Variants in SLC16A7 observed in about 807,000 individuals in gnomAD.
SLC16A7 encodes solute carrier family 16 member 7, also known as monocarboxylate transporter 2.
SLC16A7 carries 33 observed loss-of-function variants against 34.9 expected under a neutral mutation model. That is an observed-to-expected ratio of 0.94 (90% CI 0.72 to 1.26). The LOEUF (loss-of-function observed/expected upper bound fraction) is 1.26, where lower values mean the gene tolerates loss of function less well. SLC16A7 is among the 50% of genes most tolerant of loss of function. SLC16A7 has a pLI of 0.00. For synonymous variants in SLC16A7, 201 were observed against 206.6 expected, an observed-to-expected ratio of 0.97 and a Z score of 0.23; for missense variants, 573 against 578.1, an observed-to-expected ratio of 0.99 and a Z score of 0.09.
intron 3 of SLC16A7, chr12:59,768,222 A>G: frequency 6.6e-6 from 3 of 455,552 alleles, no homozygotes; most frequent in South Asian, 4.7e-5. Context: ...ACGATCATTC[A>G]CTGTTATGGG....
chr12:59,654,780 G>A (rs930056489), intron 1 of SLC16A7, among the ~76,000 whole-genome samples: 2 of 151,610 alleles, frequency 1.3e-5, no homozygotes, highest in African/African-American at 4.8e-5. Context: ...ACAAGCTATT[G>A]GTTTGAAATC....
rs1470171283 is a variant in SLC16A7 at position 59,596,075 on chromosome 12, C to G, written c.-291C>G. 1 of 151,872 alleles carries G rather than the reference C, an allele frequency of 6.6e-6. No homozygotes were observed. Among genetic ancestry groups the G allele is most frequent in the East Asian group, 2.0e-4 (1 of 5,116 alleles). 9.4% of individuals were successfully genotyped at this position (151,872 alleles called of 1,614,324 possible). A position where few individuals can be genotyped will look rare whatever the true frequency, so the allele number is the denominator to read the frequency against. On this transcript the variant is annotated 5_prime_UTR_variant, in exon 1 of 6. Transcript: ENST00000547379. The surrounding 1 kb of genome is among the most constrained non-coding windows in gnomAD (Gnocchi z 5.0). ...CGTTCAGCAGCCGCGCCTCCCCTTC[C>G]CGCCACCGCCTCCTTCTCCGCTGGC...
At chr12:59,672,059 TCGC>T (rs1396946297) in intron 2 of SLC16A7, among the ~76,000 whole-genome samples, 1 of 440 alleles carries the variant, frequency 2.3e-3, no homozygotes, top group Non-Finnish European at 3.9e-3. Flanking sequence ...TGTGTATATA[TCGC>T]ATATATCCGT....
At chr12:59,773,544 A>G (rs777653330) in intron 4 of SLC16A7, among the ~76,000 whole-genome samples, 6 of 152,020 alleles carry the variant, frequency 3.9e-5, no homozygotes, top group Non-Finnish European at 8.8e-5. Flanking sequence ...AGTTTATATA[A>G]GCCCAATTTT....
Position 59,610,800 on chromosome 12 carries a change from T to C in SLC16A7, c.-130+14564T>C, listed in dbSNP as rs116412891. On this transcript the variant is annotated intron_variant, in intron 1 of 5. Coordinates refer to ENST00000547379, the MANE Select transcript of SLC16A7 (RefSeq NM_001270623.2). ...TAATACACTGTTCTGAAATACATAA[T>C]TGAGATAATATATGTTTCTAACTGT... Among the ~76,000 whole-genome samples the C allele has an allele frequency of 1.2e-3, 182 of 152,336 alleles. 1 individual carries two copies. Among genetic ancestry groups the C allele is most frequent in the African/African-American group, 4.0e-3 (167 of 41,588 alleles).
intron 1 of SLC16A7, among the ~76,000 whole-genome samples, chr12:59,630,489 G>A (rs759159701): frequency 4.4e-4 from 67 of 151,806 alleles, no homozygotes; most frequent in Non-Finnish European, 7.7e-4. Flanking sequence ...TTTCATCAGG[G>A]TTGTTACAAG....
At chr12:59,686,244 G>A (rs1240301023) in intron 2 of SLC16A7, among the ~76,000 whole-genome samples, 2 of 151,636 alleles carry the variant, frequency 1.3e-5, no homozygotes, top group Non-Finnish European at 2.9e-5. Flanking sequence ...GAAGAAATTT[G>A]TGTTTTACAT....
At chr12:59,777,483 T>A (rs974246522) in intron 5 of SLC16A7, among the ~76,000 whole-genome samples, 1 of 152,146 alleles carries the variant, frequency 6.6e-6, no homozygotes, top group African/African-American at 2.4e-5. Flanking sequence ...CTATTTCATA[T>A]TTGTTTTTTT....
At chr12:59,669,848 A>G (rs1869527695) in intron 2 of SLC16A7, among the ~76,000 whole-genome samples, 1 of 151,622 alleles carries the variant, frequency 6.6e-6, no homozygotes, top group Admixed American at 6.6e-5. Context: ...TAAGTGAACT[A>G]TAATTGGGGG....
At chr12:59,742,334 C>G (rs1878439011) in intron 3 of SLC16A7, among the ~76,000 whole-genome samples, 1 of 152,180 alleles carries the variant, frequency 6.6e-6, no homozygotes, top group African/African-American at 2.4e-5. Flanking sequence ...AGGAAATTGT[C>G]TCTCCCTGGT....
intron 3 of SLC16A7, among the ~76,000 whole-genome samples, chr12:59,755,549 G>A (rs1382633133): frequency 1.3e-5 from 2 of 152,086 alleles, no homozygotes; most frequent in Non-Finnish European, 2.9e-5. Flanking sequence ...CACCTTACAA[G>A]GGATGAGAAG....
At chr12:59,722,448 T>C (rs1875715225) in intron 3 of SLC16A7, among the ~76,000 whole-genome samples, 1 of 151,900 alleles carries the variant, frequency 6.6e-6, no homozygotes, top group Non-Finnish European at 1.5e-5. Flanking sequence ...CTAAGTTCAA[T>C]CATGTCCGAG....
At chr12:59,678,524 A>G (rs978947254) in intron 2 of SLC16A7, among the ~76,000 whole-genome samples, 8 of 151,810 alleles carry the variant, frequency 5.3e-5, no homozygotes, top group Non-Finnish European at 1.2e-4. Context: ...CAGAGAGGAG[A>G]CTCTGGAGTG....
At chr12:59,716,095 G>A (rs1222745278) in intron 3 of SLC16A7, among the ~76,000 whole-genome samples, 1 of 152,210 alleles carries the variant, frequency 6.6e-6, no homozygotes, top group Non-Finnish European at 1.5e-5. Context: ...TTCTGTGGAA[G>A]CTTTGATGGA....
intron 2 of SLC16A7, among the ~76,000 whole-genome samples, chr12:59,672,606 A>C (rs1169062716): frequency 6.6e-6 from 1 of 151,944 alleles, no homozygotes; most frequent in Non-Finnish European, 1.5e-5. Context: ...TATTATTATT[A>C]TCATCATTTA....
chr12:59,754,464 G>T (rs1197713086), intron 3 of SLC16A7, among the ~76,000 whole-genome samples: 1 of 152,028 alleles, frequency 6.6e-6, no homozygotes, highest in African/African-American at 2.4e-5. Context: ...TACCATCAGA[G>T]AATACTACAA....
chr12:59,651,606 T>C (rs1418020733), intron 1 of SLC16A7, among the ~76,000 whole-genome samples: 1 of 152,156 alleles, frequency 6.6e-6, no homozygotes, highest in Admixed American at 6.6e-5. Flanking sequence ...ACAATGGATT[T>C]GCTTTTGGAC....
At position 59,664,119 on chromosome 12, in the gene SLC16A7, T is replaced by C. The variant is rs1165189202; in HGVS notation, c.-31+8869T>C. ...CAGCTATATGGCCTTACATAAGTAA[T>C]CAAAACGCTGAGCTTCAGTGTCCCC... On this transcript the variant is annotated intron_variant, in intron 2 of 5. Coordinates refer to ENST00000547379, the MANE Select transcript of SLC16A7 (RefSeq NM_001270623.2). 2.0e-5 allele frequency among the ~76,000 whole-genome samples: 3 copies of C among 152,084 alleles called. No homozygotes were observed. In the East Asian group the frequency reaches 5.8e-4, roughly 29 times the overall value.
At position 59,775,156 on chromosome 12, in the gene SLC16A7, T is replaced by A. The variant is rs925310552; in HGVS notation, c.861T>A (p.Ser287=). 5 of 1,614,136 alleles carry A rather than the reference T, an allele frequency of 3.1e-6. No homozygotes were observed. Among genetic ancestry groups the A allele is most frequent in the Non-Finnish European group, 4.2e-6 (5 of 1,180,020 alleles). Residue 287 remains serine (S), a synonymous_variant, in exon 5 of 6, where the codon TCT becomes TCA. Transcript: ENST00000547379. The part of the protein sequence containing the change: ...IDEYSAAFLL[S]VMAFVDMFAR... ...AGTACTCGGCAGCTTTTCTGCTATC[T>A]GTTATGGCTTTCGTTGATATGTTTG...
Sources: gnomAD v4.1 joint callset for allele counts (sites outside exome capture counted in the v4.1 genomes callset) on GRCh38, gnomAD v4.1.1 for gene constraint, Gnocchi (gnomAD v3.1) non-coding constraint, MANE v1.5 for transcripts, NCBI Gene and HGNC (gene_info 2026-07-23, HGNC 2026-07-21) for gene names.